PEX14: variants seen among roughly 807,000 people sequenced by gnomAD.
PEX14 encodes the protein peroxisomal biogenesis factor 14.
PEX14 carries 15 observed loss-of-function variants against 49.5 expected under a neutral mutation model. That is an observed-to-expected ratio of 0.30 (90% CI 0.20 to 0.47). The LOEUF is 0.47. PEX14 is among the 20% of genes least tolerant of loss of function. The probability of loss-of-function intolerance (pLI) is 1.00; values close to 1 mark genes in which losing one functional copy is unlikely to be tolerated. For missense variants in PEX14, 398 were observed against 494.8 expected (o/e 0.80, Z 1.86); for synonymous variants, 210 against 212.7 (o/e 0.99, Z 0.11).
rs574488536 is a variant in PEX14, at chr1:10,529,025, A to G, written c.85-7188A>G. Among the ~76,000 whole-genome samples the G allele has an allele frequency of 5.9e-5, 9 of 152,334 alleles. No homozygotes were observed. The South Asian group carries it at 1.7e-3, about 28-fold the overall frequency. ...CATTTCAAAGGCAGGGAAAAGGCAA[A>G]TGTCATCCTTTTTTCCTCCCCTCTT... On this transcript the variant is annotated intron_variant, in intron 2 of 8. Coordinates refer to ENST00000356607, the MANE Select transcript of PEX14 (RefSeq NM_004565.3). The surrounding 1 kb of genome is among the most constrained non-coding windows in gnomAD (Gnocchi z 4.2).
rs951621027 is a variant in PEX14 at position 10,539,385 on chromosome 1, C to T, written c.169+3088C>T. ...TTTATCATTTTCTTTGAAGTTTGTA[C>T]TGCCATTTTGTGTAATTTACAACAT... On this transcript the variant is annotated intron_variant, in intron 3 of 8. Transcript: ENST00000356607. The surrounding 1 kb of genome is among the most constrained non-coding windows in gnomAD (Gnocchi z 4.6). 6.6e-6 allele frequency among the ~76,000 whole-genome samples: 1 copy of T among 152,112 alleles called. No individual in the cohort carries two copies. The highest frequency in any genetic ancestry group is 1.5e-5 in the Non-Finnish European group (1 of 68,042).
chr1:10,522,503 T>C (rs1221986027), intron 2 of PEX14, among the ~76,000 whole-genome samples: 1 of 152,080 alleles, frequency 6.6e-6, no homozygotes, highest in East Asian at 1.9e-4. Context: ...GAGAGGGGAG[T>C]CCCTAGGTCA....
intron 1 of PEX14, among the ~76,000 whole-genome samples, chr1:10,480,869 AT>A (rs1316827044): frequency 0.02 from 2,834 of 139,030 alleles, 77 homozygotes; most frequent in African/African-American, 0.071. Context: ...CTATATATAT[AT>A]TTTTTTTTTT....
chr1:10,616,090 G>A (rs553207437), intron 4 of PEX14, among the ~76,000 whole-genome samples: 8 of 152,284 alleles, frequency 5.3e-5, no homozygotes, highest in East Asian at 1.9e-4. Flanking sequence ...CATGGAATCC[G>A]CAGGCAGGGA....
chr1:10,520,247 C>G (rs1052688660), intron 2 of PEX14, among the ~76,000 whole-genome samples: 1 of 150,294 alleles, frequency 6.7e-6, no homozygotes, highest in African/African-American at 2.4e-5. Context: ...CAGCCTCAAC[C>G]TTCTGAGCTC....
intron 4 of PEX14, 131 bp from the exon 5 acceptor site, chr1:10,618,201 C>T (rs1641482582): frequency 1.4e-6 from 1 of 700,266 alleles, no homozygotes; most frequent in Non-Finnish European, 2.6e-6. Context: ...TGCTGCCTTC[C>T]TGCGTTGGAG....
chr1:10,630,119 A>G lies in PEX14; in HGVS notation c.*132A>G. 2 of 1,394,158 alleles carry G rather than the reference A, an allele frequency of 1.4e-6. No homozygotes were observed. The highest frequency in any genetic ancestry group is 1.9e-6 in the Non-Finnish European group (2 of 1,037,452). The allele number at this position is 1,394,158 out of a possible 1,614,324, so 86.4% of individuals were successfully genotyped here. A position where few individuals can be genotyped will look rare whatever the true frequency, so the allele number is the denominator to read the frequency against. ...AGGGGGCAGAGCTGTCCTCAGCTGC[A>G]CTGCGGCCTGGTGGCAGTGTGGGGA... is the stretch of plus-strand genomic sequence containing the variant. On this transcript the variant is annotated 3_prime_UTR_variant, in exon 9 of 9. Transcript: ENST00000356607. This position sits in a 1 kb window ranked among gnomAD's most constrained non-coding sequence, Gnocchi z 4.1.
intron 4 of PEX14, among the ~76,000 whole-genome samples, chr1:10,617,266 C>T (rs1455367444): frequency 1.3e-5 from 2 of 152,122 alleles, no homozygotes; most frequent in Non-Finnish European, 2.9e-5. Flanking sequence ...AGTCCCTCTC[C>T]ACCTCGTGAA....
chr1:10,575,826 G>A (rs1640102793), intron 3 of PEX14, among the ~76,000 whole-genome samples: 1 of 152,134 alleles, frequency 6.6e-6, no homozygotes, highest in Admixed American at 6.5e-5. Flanking sequence ...GGATATGATG[G>A]TTTTAAGACT....
chr1:10,603,403 A>C (rs1386627182), intron 4 of PEX14, among the ~76,000 whole-genome samples: 1 of 152,198 alleles, frequency 6.6e-6, no homozygotes, highest in African/African-American at 2.4e-5. Flanking sequence ...GAAATATAGA[A>C]AAGAGAAGAA....
intron 3 of PEX14, among the ~76,000 whole-genome samples, chr1:10,568,979 ATCT>A (rs1412260129): frequency 9.2e-5 from 14 of 152,094 alleles, no homozygotes; most frequent in Admixed American, 2.0e-4. Flanking sequence ...ACCTCAAGTG[ATCT>A]GCCCACCTTG....
chr1:10,584,198 C>A (rs371339074), intron 3 of PEX14, among the ~76,000 whole-genome samples: 9 of 152,154 alleles, frequency 5.9e-5, no homozygotes, highest in African/African-American at 2.2e-4. Context: ...AGGATGACTC[C>A]AAGGTTTTTG....
At chr1:10,612,597 G>GCT (rs1641304489) in intron 4 of PEX14, among the ~76,000 whole-genome samples, 1 of 152,156 alleles carries the variant, frequency 6.6e-6, no homozygotes, top group Non-Finnish European at 1.5e-5. Flanking sequence ...TTCTGTTGCT[G>GCT]CTCTCTGGGC....
intron 5 of PEX14, among the ~76,000 whole-genome samples, chr1:10,622,222 C>A (rs545026826): frequency 5.5e-4 from 84 of 152,322 alleles, no homozygotes; most frequent in African/African-American, 1.9e-3. Context: ...ATCCCTGGTT[C>A]TAGGCCCCTG....
chr1:10,555,660 T>TGTGC (rs1461927049), intron 3 of PEX14, among the ~76,000 whole-genome samples: 3 of 151,160 alleles, frequency 2.0e-5, no homozygotes, highest in African/African-American at 7.4e-5. Flanking sequence ...TGTGTGTGTG[T>TGTGC]GTGTGTGCAT....
At chr1:10,608,740 A>AT (rs58094572) in intron 4 of PEX14, among the ~76,000 whole-genome samples, 4,956 of 149,806 alleles carry the variant, frequency 0.033, 100 homozygotes, top group South Asian at 0.069. Context: ...TTAAAAAAAA[A>AT]TAAAAAAAAA....
intron 6 of PEX14, 46 bp from the exon 7 acceptor site, chr1:10,624,294 C>A: frequency 8.0e-7 from 1 of 1,245,178 alleles, no homozygotes; most frequent in Non-Finnish European, 1.2e-6. Flanking sequence ...AGGGGAACGT[C>A]TGTGCCTGTG....
intron 3 of PEX14, among the ~76,000 whole-genome samples, chr1:10,552,210 G>A (rs893816650): frequency 6.6e-6 from 1 of 152,214 alleles, no homozygotes; most frequent in Non-Finnish European, 1.5e-5. Context: ...TTGGGAGGCC[G>A]AGACGGGCAA....
At chr1:10,544,855 CG>C (rs1330940799) in intron 3 of PEX14, among the ~76,000 whole-genome samples, 1 of 151,972 alleles carries the variant, frequency 6.6e-6, no homozygotes, top group African/African-American at 2.4e-5. Flanking sequence ...TTGACCTCCC[CG>C]GGATCAAGTG....
Sources: gnomAD v4.1 joint callset for allele counts (sites outside exome capture counted in the v4.1 genomes callset) on GRCh38, gnomAD v4.1.1 for gene constraint, Gnocchi (gnomAD v3.1) non-coding constraint, MANE v1.5 for transcripts, NCBI Gene and HGNC (gene_info 2026-07-23, HGNC 2026-07-21) for gene names.